The following KLKB1 variants were observed in gnomAD, a reference collection of about 807,000 sequenced individuals.
KLKB1 encodes plasma kallikrein.
KLKB1 carries 58 observed loss-of-function variants against 73.6 expected under a neutral mutation model. The observed-to-expected ratio is 0.79, with a 90% CI of 0.64 to 0.98. The LOEUF is 0.98. KLKB1 is among the 50% of genes least tolerant of loss of function. The pLI is 0.00. For missense variants in KLKB1, 737 were observed against 763.8 expected (o/e 0.96, Z 0.41); for synonymous variants, 280 against 258.1 (o/e 1.08, Z -0.81).
At chr4:186,257,897 A>G (rs1353974936) in intron 14 of KLKB1, 124 bp from the exon 15 acceptor site, 5 of 934,490 alleles carry the variant, frequency 5.4e-6, no homozygotes, top group African/African-American at 3.2e-5. Flanking sequence ...TCTCTACAAA[A>G]AAATATGAAA....
At chr4:186,228,044 A>G in intron 1 of KLKB1, 151 bp from the exon 2 acceptor site, 1 of 601,174 alleles carries the variant, frequency 1.7e-6, no homozygotes, top group Non-Finnish European at 3.0e-6. Context: ...ACACAAATGT[A>G]CCAAAAAAAA....
chr4:186,214,174 G>C (rs1159972773), intron 2 of KLKB1, among the ~76,000 whole-genome samples: 1 of 152,256 alleles, frequency 6.6e-6, no homozygotes, highest in East Asian at 1.9e-4. Flanking sequence ...AGAACCTCTG[G>C]AGCAGCTGCT....
intron 4 of KLKB1, 33 bp from the exon 5 acceptor site, chr4:186,236,748 A>G: frequency 6.2e-7 from 1 of 1,610,374 alleles, no homozygotes; most frequent in Non-Finnish European, 8.5e-7. Flanking sequence ...AAGAAAATGG[A>G]CTGTATTTGC....
At chr4:186,211,682 C>CACACACAT (rs1346958205) in intron 2 of KLKB1, 1 of 90,946 alleles carries the variant, frequency 1.1e-5, no homozygotes, top group East Asian at 3.7e-4. Flanking sequence ...CACACACACA[C>CACACACAT]ACACACACAC....
intron 6 of KLKB1, among the ~76,000 whole-genome samples, chr4:186,247,659 T>TA (rs1451214509): frequency 5.3e-5 from 8 of 152,332 alleles, no homozygotes; most frequent in African/African-American, 1.9e-4. Context: ...TCGCACTTTA[T>TA]AAGACTTGAA....
rs540717029 is a variant in KLKB1 at position 186,257,733 on chromosome 4, A to T, written c.1726-288A>T. 5.7e-5 allele frequency among the ~76,000 whole-genome samples: 8 copies of T among 141,322 alleles called. 1 individual carries two copies. The South Asian group carries it at 9.8e-4, about 17-fold the overall frequency. The allele number at this position is 141,322 out of a possible 152,430, so 92.7% of individuals were successfully genotyped here. A position where few individuals can be genotyped will look rare whatever the true frequency, so the allele number is the denominator to read the frequency against. On this transcript the variant is annotated intron_variant, in intron 14 of 14. Coordinates refer to ENST00000264690, the MANE Select transcript of KLKB1 (RefSeq NM_000892.5). Reference sequence around the variant, plus strand: ...GCACATGAGATACTTGGAGAACTTTAAGAAAGAGTGAGTGTGTGTGTGTGT... The same window carrying T: ...GCACATGAGATACTTGGAGAACTTTTAGAAAGAGTGAGTGTGTGTGTGTGT...
At chr4:186,252,898 T>C (rs1184872525) in intron 11 of KLKB1, among the ~76,000 whole-genome samples, 2 of 152,284 alleles carry the variant, frequency 1.3e-5, no homozygotes, top group African/African-American at 4.8e-5. Flanking sequence ...TTTCAATGTA[T>C]ATAATTTGAT....
At chr4:186,236,001 C>T (rs1056487907) in intron 4 of KLKB1, among the ~76,000 whole-genome samples, 9 of 151,538 alleles carry the variant, frequency 5.9e-5, no homozygotes, top group Non-Finnish European at 1.3e-4. Flanking sequence ...GTAGTCCCAG[C>T]TACTCGGGAG....
At chr4:186,250,677 T>G (rs1738621865) in intron 7 of KLKB1, among the ~76,000 whole-genome samples, 1 of 152,212 alleles carries the variant, frequency 6.6e-6, no homozygotes, top group Non-Finnish European at 1.5e-5. Context: ...ATCTGACGCC[T>G]TTGAATGAAG....
intron 2 of KLKB1, among the ~76,000 whole-genome samples, chr4:186,231,810 A>G (rs1737408961): frequency 6.6e-6 from 1 of 152,244 alleles, no homozygotes. Context: ...TTAAGGCATG[A>G]TGTTTTCATA....
chr4:186,250,440 A>G, intron 7 of KLKB1, 38 bp downstream of exon 7: 5 of 1,603,078 alleles, frequency 3.1e-6, no homozygotes, highest in Non-Finnish European at 4.3e-6. Flanking sequence ...AAAGGCGAGT[A>G]TGCATGGGGA....
chr4:186,252,703 C>T (rs546007132), intron 11 of KLKB1, among the ~76,000 whole-genome samples: 43 of 128,576 alleles, frequency 3.3e-4, no homozygotes, highest in Admixed American at 3.0e-3. Flanking sequence ...CCGCCACCCA[C>T]GACCAATCCC....
intron 7 of KLKB1, 109 bp from the exon 8 acceptor site, chr4:186,251,110 G>A (rs1274337971): frequency 5.6e-6 from 4 of 708,894 alleles, no homozygotes; most frequent in Non-Finnish European, 5.0e-6. Flanking sequence ...TTTCCCAGAA[G>A]AATAAAATTT....
At chr4:186,224,272 C>T (rs1331997373), upstream of KLKB1, among the ~76,000 whole-genome samples, 1 of 152,228 alleles carries the variant, frequency 6.6e-6, no homozygotes. Flanking sequence ...CACAGAGACC[C>T]CACTGGAGCA....
chr4:186,220,125 C>A (rs149579747), intron 2 of KLKB1, among the ~76,000 whole-genome samples: 3 of 152,044 alleles, frequency 2.0e-5, no homozygotes, highest in African/African-American at 7.2e-5. Flanking sequence ...GTATTGGGAA[C>A]AGGAAGCAAA....
At chr4:186,234,231 A>G (rs1404821439) in intron 4 of KLKB1, among the ~76,000 whole-genome samples, 173 bp downstream of exon 4, 2 of 152,162 alleles carry the variant, frequency 1.3e-5, no homozygotes, top group Non-Finnish European at 2.9e-5. Flanking sequence ...GGACACTTCT[A>G]TTGTCTTTAT....
rs2126682939 is a variant in KLKB1, at chr4:186,258,074, G to A, written c.1779G>A (p.Val593=). 1 of 1,614,062 alleles carries A rather than the reference G, an allele frequency of 6.2e-7. No individual in the cohort carries two copies. The highest frequency in any genetic ancestry group is 1.3e-5 in the African/African-American group (1 of 75,032). ...VCKHNGMWRL[V]GITSWGEGCA... ...AACACAATGGAATGTGGCGTTTGGT[G>A]GGCATCACCAGCTGGGGTGAAGGCT... Residue 593 remains valine (V), a synonymous_variant, in exon 15 of 15, where the codon GTG becomes GTA. Coordinates refer to ENST00000264690, the MANE Select transcript of KLKB1 (RefSeq NM_000892.5).
intron 2 of KLKB1, among the ~76,000 whole-genome samples, chr4:186,221,029 T>C (rs1338037691): frequency 2.0e-5 from 3 of 152,202 alleles, no homozygotes; most frequent in Non-Finnish European, 4.4e-5. Flanking sequence ...CCTGATTCAG[T>C]CTTGGTAGGT....
At position 186,254,681 on chromosome 4, in the gene KLKB1, T is replaced by A. The variant is rs772832935; in HGVS notation, c.1407T>A (p.Ile469=). The change falls in exon 12 of 15, where the codon ATT becomes ATA. Residue 469 remains isoleucine, a synonymous_variant. Transcript: ENST00000264690. ...CACCTTTCTCACAAATAAAAGAGAT[T>A]ATTATTCACCAAAACTATAAAGTCT... ...KDTPFSQIKE[I]IIHQNYKVSE... 3 of 1,613,698 alleles carry A rather than the reference T, an allele frequency of 1.9e-6. No homozygotes were observed. The highest frequency in any genetic ancestry group is 2.2e-5 in the East Asian group (1 of 44,890).
Sources: gnomAD v4.1 joint callset for allele counts (sites outside exome capture counted in the v4.1 genomes callset) on GRCh38, gnomAD v4.1.1 for gene constraint, MANE v1.5 for transcripts, NCBI Gene and HGNC (gene_info 2026-07-23, HGNC 2026-07-21) for gene names.